Variants in RAPGEF4 observed in about 807,000 individuals in gnomAD.
The protein encoded by RAPGEF4 is RAP guanine-nucleotide-exchange factor (GEF) 4.
Under a neutral mutation model 147.9 loss-of-function variants are expected in RAPGEF4, and 66 were observed. The ratio of observed to expected loss-of-function variants is 0.45; its 90% CI spans 0.37 to 0.55. The LOEUF is 0.55. RAPGEF4 is among the 20% of genes least tolerant of loss of function. The pLI, the probability that RAPGEF4 is intolerant of heterozygous loss-of-function variation, is 0.00. For synonymous variants in RAPGEF4, 419 were observed against 442.7 expected (o/e 0.95, Z 0.67); for missense variants, 1,071 against 1,257.3 (o/e 0.85, Z 2.24).
intron 1 of RAPGEF4, among the ~76,000 whole-genome samples, chr2:172,790,913 G>C (rs1685753253): frequency 1.3e-5 from 2 of 152,182 alleles, no homozygotes; most frequent in African/African-American, 4.8e-5. Flanking sequence ...TGGAGACTGG[G>C]TAATTCAAAA....
intron 1 of RAPGEF4, among the ~76,000 whole-genome samples, chr2:172,766,551 A>G (rs1039742587): frequency 2.6e-5 from 4 of 152,056 alleles, no homozygotes; most frequent in Non-Finnish European, 5.9e-5. Flanking sequence ...AAAAAAAAAA[A>G]TTACACAATT....
chr2:172,989,211 G>T (rs965706039), intron 14 of RAPGEF4, among the ~76,000 whole-genome samples: 1 of 152,244 alleles, frequency 6.6e-6, no homozygotes, highest in African/African-American at 2.4e-5. Flanking sequence ...CAACACAGTG[G>T]CAGCCCCCTC....
At chr2:173,026,804 T>A (rs1179629692) in intron 24 of RAPGEF4, 107 bp downstream of exon 24, 4 of 1,438,386 alleles carry the variant, frequency 2.8e-6, no homozygotes, top group Non-Finnish European at 3.8e-6. Flanking sequence ...GGAAACCACA[T>A]GACCATTTTT....
rs572375137 is a variant in RAPGEF4 at position 172,986,772 on chromosome 2, C to A, written c.1150+1279C>A. On this transcript the variant is annotated intron_variant, in intron 12 of 30. Coordinates refer to ENST00000397081, the MANE Select transcript of RAPGEF4 (RefSeq NM_007023.4). Reference sequence around the variant, plus strand: ...GCAGTGGCACAACCTTGGCTCACTGCAACCTTCACCTCCCAGGTTCAAGCA... The same window carrying A: ...GCAGTGGCACAACCTTGGCTCACTGAAACCTTCACCTCCCAGGTTCAAGCA... Among the ~76,000 whole-genome samples, 260 of 151,638 alleles carry A rather than the reference C, an allele frequency of 1.7e-3. 2 individuals are homozygous for A. Among genetic ancestry groups the A allele is most frequent in the Middle Eastern group, 0.014 (4 of 294 alleles).
chr2:172,748,411 G>A (rs374825166), intron 1 of RAPGEF4, among the ~76,000 whole-genome samples: 1 of 152,150 alleles, frequency 6.6e-6, no homozygotes, highest in Non-Finnish European at 1.5e-5. Context: ...AAGGTGAAAG[G>A]CATGTCTTAC....
At chr2:172,975,596 G>T (rs1232903197) in intron 10 of RAPGEF4, among the ~76,000 whole-genome samples, 1 of 152,258 alleles carries the variant, frequency 6.6e-6, no homozygotes, top group East Asian at 1.9e-4. Context: ...CCTCAAGTGT[G>T]TCCTCACTAG....
At chr2:173,002,012 A>AAAAAAAAAAAAAAAAAAAAC (rs1693981051) in intron 17 of RAPGEF4, among the ~76,000 whole-genome samples, 2 of 150,782 alleles carry the variant, frequency 1.3e-5, no homozygotes, top group Non-Finnish European at 1.5e-5. Flanking sequence ...AAAAAAAAAA[A>AAAAAAAAAAAAAAAAAAAAC]AAATCCATTG....
rs754849629 is a variant in RAPGEF4 at position 172,905,057 on chromosome 2, T to A, written c.445-12745T>A. On this transcript the variant is annotated intron_variant, in intron 4 of 30. Transcript: ENST00000397081. ...CCCTTATTCTCCACCCTACTGGCCT[T>A]CTTTGTCCCTTAACACTCGACCTGC... Among the ~76,000 whole-genome samples, 33 of 151,990 alleles carry A rather than the reference T, an allele frequency of 2.2e-4. 1 individual carries two copies. Among genetic ancestry groups the A allele is most frequent in the Admixed American group, 1.3e-4 (2 of 15,248 alleles).
rs1239731669 is a variant in RAPGEF4, at chr2:173,016,332, A to C, written c.1810-17A>C. The C allele has an allele frequency of 6.3e-7, 1 of 1,585,232 alleles. No individual in the cohort carries two copies. Among genetic ancestry groups the C allele is most frequent in the Non-Finnish European group, 8.7e-7 (1 of 1,153,746 alleles). ...TTGCAGTTCTTGTTAAAAGCCTGTG[A>C]CTTTTGCCAATTACAGGAGTTTTAT... On this transcript the variant is annotated splice_polypyrimidine_tract_variant and intron_variant, in intron 18 of 30. Coordinates refer to ENST00000397081, the MANE Select transcript of RAPGEF4 (RefSeq NM_007023.4).
chr2:172,922,328 T>C (rs748401936), intron 6 of RAPGEF4, 28 bp downstream of exon 6: 2 of 1,591,512 alleles, frequency 1.3e-6, no homozygotes, highest in Non-Finnish European at 1.7e-6. Flanking sequence ...CTGCCTATCT[T>C]CTAAAAATTG....
At chr2:172,874,337 G>A (rs1432641701) in intron 4 of RAPGEF4, among the ~76,000 whole-genome samples, 1 of 152,084 alleles carries the variant, frequency 6.6e-6, no homozygotes, top group East Asian at 1.9e-4. Flanking sequence ...CCATGTTGGT[G>A]TGCTGCACCC....
intron 17 of RAPGEF4, among the ~76,000 whole-genome samples, chr2:173,011,006 C>CT (rs1342807894): frequency 6.6e-6 from 1 of 152,130 alleles, no homozygotes; most frequent in Non-Finnish European, 1.5e-5. Flanking sequence ...AAATACTGAA[C>CT]TTTCGTGAGA....
intron 17 of RAPGEF4, among the ~76,000 whole-genome samples, chr2:173,007,659 C>T (rs2105845088): frequency 6.6e-6 from 1 of 152,282 alleles, no homozygotes; most frequent in East Asian, 1.9e-4. Flanking sequence ...TCTAAATGGT[C>T]AATTAACTTA....
intron 4 of RAPGEF4, among the ~76,000 whole-genome samples, chr2:172,890,710 C>G (rs1697804524): frequency 6.6e-6 from 1 of 152,198 alleles, no homozygotes; most frequent in South Asian, 2.1e-4. Flanking sequence ...AATACCCCTG[C>G]AAACCATTTC....
At chr2:172,778,578 C>A (rs1684393021) in intron 1 of RAPGEF4, among the ~76,000 whole-genome samples, 1 of 151,904 alleles carries the variant, frequency 6.6e-6, no homozygotes, top group Non-Finnish European at 1.5e-5. Context: ...TGGTTTAGAA[C>A]CATTTTCAAT....
chr2:173,030,767 C>T (rs1697119243), intron 26 of RAPGEF4, among the ~76,000 whole-genome samples: 1 of 152,162 alleles, frequency 6.6e-6, no homozygotes, highest in Admixed American at 6.5e-5. Context: ...GACTTCTCTC[C>T]ACGGAGAGGA....
intron 4 of RAPGEF4, among the ~76,000 whole-genome samples, chr2:172,840,511 T>A (rs1691462630): frequency 6.6e-6 from 1 of 152,246 alleles, no homozygotes. Flanking sequence ...ATACTTTTAC[T>A]GTCTACTTTA....
At position 173,051,706 on chromosome 2, in the gene RAPGEF4, T is replaced by C. The variant is rs568389939; in HGVS notation, c.2975T>C (p.Val992Ala). 1 of 1,614,066 alleles carries C rather than the reference T, an allele frequency of 6.2e-7. No individual in the cohort carries two copies. The highest frequency in any genetic ancestry group is 1.7e-5 in the Admixed American group (1 of 60,020). Residue 992 changes from valine to alanine, a missense_variant, in exon 31 of 31, where the codon GTG becomes GCG. By Grantham distance (64) the Val-to-Ala change is moderately conservative (BLOSUM62 0). Coordinates refer to ENST00000397081, the MANE Select transcript of RAPGEF4 (RefSeq NM_007023.4). ...DVRSYVRQLNVIDNQRTLSQM... is the reference protein window; with the variant it reads ...DVRSYVRQLNAIDNQRTLSQM... Reference sequence around the variant, plus strand: ...CGGAGTTATGTACGGCAATTAAATGTGATTGACAACCAGAGAACTTTATCA... The same window carrying C: ...CGGAGTTATGTACGGCAATTAAATGCGATTGACAACCAGAGAACTTTATCA...
intron 1 of RAPGEF4, among the ~76,000 whole-genome samples, chr2:172,791,207 A>G (rs546011568): frequency 2.8e-4 from 43 of 152,324 alleles, no homozygotes; most frequent in Middle Eastern, 3.4e-3. Flanking sequence ...GTTTTGAGGG[A>G]CCAAATAGCA....
Sources: gnomAD v4.1 joint callset for allele counts (sites outside exome capture counted in the v4.1 genomes callset) on GRCh38, gnomAD v4.1.1 for gene constraint, MANE v1.5 for transcripts, NCBI Gene and HGNC (gene_info 2026-07-23, HGNC 2026-07-21) for gene names.